CNTNAP5: variants seen among roughly 807,000 people sequenced by gnomAD.
The protein encoded by CNTNAP5 is contactin associated protein family member 5.
In CNTNAP5, 72 loss-of-function variants were observed where a neutral mutation model predicts 150.2. That is an observed-to-expected ratio of 0.48 (90% CI 0.40 to 0.58). The LOEUF (loss-of-function observed/expected upper bound fraction) is 0.58, where lower values mean the gene tolerates loss of function less well. Among genes scored for constraint, CNTNAP5 ranks in the 20% least tolerant of loss-of-function variants. The pLI, the probability that CNTNAP5 is intolerant of heterozygous loss-of-function variation, is 0.00. For synonymous variants in CNTNAP5, 672 were observed against 619.8 expected (o/e 1.08, Z -1.25); for missense variants, 1,636 against 1,626.2 (o/e 1.01, Z -0.10).
chr2:124,412,828 T>C (rs922441651), intron 3 of CNTNAP5, among the ~76,000 whole-genome samples: 1 of 97,846 alleles, frequency 1.0e-5, no homozygotes, highest in East Asian at 2.8e-4. Context: ...GGGCAAGGAC[T>C]TCATGTCCAA....
rs1553442119 is a variant in CNTNAP5, at chr2:124,786,398, A to AGAAAGAAAGAAG, written c.2753-3501_2753-3500insAGAAAGAAGGAA. 2.0e-3 allele frequency among the ~76,000 whole-genome samples: 91 copies of AGAAAGAAAGAAG among 45,148 alleles called. 1 individual carries two copies. Among genetic ancestry groups the AGAAAGAAAGAAG allele is most frequent in the Admixed American group, 2.8e-3 (11 of 3,934 alleles). 29.6% of individuals were successfully genotyped at this position (45,148 alleles called of 152,430 possible). The stretch of plus-strand genomic sequence containing the variant: ...AAGAAAGAAAGAAAGAAAGAAAGAA[A>AGAAAGAAAGAAG]GAAGGAAGGAAGGAAGGAAGGAAGG... On this transcript the variant is annotated intron_variant, in intron 17 of 23. Transcript: ENST00000682447.
chr2:124,880,424 A>T (rs553020870), intron 21 of CNTNAP5, among the ~76,000 whole-genome samples: 1 of 152,222 alleles, frequency 6.6e-6, no homozygotes, highest in South Asian at 2.1e-4. Context: ...CTTAAAATCA[A>T]CTGCTGCCTA....
intron 19 of CNTNAP5, among the ~76,000 whole-genome samples, chr2:124,843,031 A>G (rs1682975638): frequency 6.6e-6 from 1 of 151,972 alleles, no homozygotes. Context: ...GGTACCCAAT[A>G]TGTAACATTT....
At chr2:124,470,232 A>G (rs1693476964) in intron 6 of CNTNAP5, among the ~76,000 whole-genome samples, 1 of 152,118 alleles carries the variant, frequency 6.6e-6, no homozygotes. Context: ...CCATGTCAGT[A>G]TCTGTTGTTG....
intron 3 of CNTNAP5, among the ~76,000 whole-genome samples, chr2:124,292,089 A>G (rs1040870692): frequency 7.9e-5 from 12 of 152,188 alleles, no homozygotes; most frequent in Admixed American, 4.6e-4. Context: ...GGTGCACCCC[A>G]GTTTTAGGCA....
chr2:124,872,196 A>C (rs1677762797), intron 21 of CNTNAP5, among the ~76,000 whole-genome samples: 1 of 152,054 alleles, frequency 6.6e-6, no homozygotes, highest in Admixed American at 6.6e-5. Context: ...GCTATTAATA[A>C]AGATAATTTG....
intron 3 of CNTNAP5, among the ~76,000 whole-genome samples, chr2:124,245,708 T>C (rs1047405438): frequency 1.3e-5 from 2 of 150,320 alleles, no homozygotes; most frequent in Non-Finnish European, 3.0e-5. Flanking sequence ...CACACAAATA[T>C]ATATTTATAT....
At chr2:124,348,333 C>T (rs1689791729) in intron 3 of CNTNAP5, among the ~76,000 whole-genome samples, 1 of 152,060 alleles carries the variant, frequency 6.6e-6, no homozygotes, top group Admixed American at 6.6e-5. Flanking sequence ...TGCTTAATTG[C>T]TCTGGCTTAA....
intron 3 of CNTNAP5, among the ~76,000 whole-genome samples, chr2:124,325,305 A>T (rs1689189594): frequency 6.6e-6 from 1 of 152,204 alleles, no homozygotes; most frequent in South Asian, 2.1e-4. Context: ...TGTGAGAAAT[A>T]CATGTGTTTT....
chr2:124,499,256 C>A (rs1358231341), intron 7 of CNTNAP5, among the ~76,000 whole-genome samples: 2 of 152,128 alleles, frequency 1.3e-5, no homozygotes, highest in African/African-American at 4.8e-5. Flanking sequence ...AAATTGTAAA[C>A]CTATTGTGTA....
chr2:124,082,193 C>G (rs1185863716), intron 1 of CNTNAP5, among the ~76,000 whole-genome samples: 1 of 151,698 alleles, frequency 6.6e-6, no homozygotes, highest in African/African-American at 2.4e-5. Context: ...ACTAAAAATA[C>G]AAAAAATTAG....
chr2:124,239,686 TCAA>T (rs1558814921), intron 2 of CNTNAP5, among the ~76,000 whole-genome samples: 1 of 133,228 alleles, frequency 7.5e-6, no homozygotes, highest in African/African-American at 2.8e-5. Flanking sequence ...GGGGACCATT[TCAA>T]CAACATTTTT....
chr2:124,745,802 C>A (rs1410402081), intron 13 of CNTNAP5, among the ~76,000 whole-genome samples: 1 of 152,164 alleles, frequency 6.6e-6, no homozygotes, highest in African/African-American at 2.4e-5. Flanking sequence ...ATCAGCACCC[C>A]TAAAATGCTG....
intron 11 of CNTNAP5, among the ~76,000 whole-genome samples, chr2:124,597,486 CT>C (rs1696855466): frequency 6.7e-6 from 1 of 150,344 alleles, no homozygotes; most frequent in Non-Finnish European, 1.5e-5. Flanking sequence ...TCTCTTCTGG[CT>C]TGTAGGGTTT....
chr2:124,028,224 AG>A (rs1389805908), intron 1 of CNTNAP5, among the ~76,000 whole-genome samples: 1 of 152,090 alleles, frequency 6.6e-6, no homozygotes, highest in Non-Finnish European at 1.5e-5. Context: ...GACTTTGTTC[AG>A]GTATACATAA....
At chr2:124,823,718 C>T (rs1440259053) in intron 19 of CNTNAP5, among the ~76,000 whole-genome samples, 2 of 152,090 alleles carry the variant, frequency 1.3e-5, no homozygotes, top group Non-Finnish European at 2.9e-5. Flanking sequence ...CACTTCTGAA[C>T]CACAGGATGC....
chr2:124,920,566 C>G lies in CNTNAP5; in HGVS notation c.*6278C>G, dbSNP rs907103170. On this transcript the variant is annotated 3_prime_UTR_variant, in exon 24 of 24. Coordinates refer to ENST00000682447, the MANE Select transcript of CNTNAP5 (RefSeq NM_001367498.1). The stretch of plus-strand genomic sequence containing the variant: ...AGACTGCCTTTAGTGAGGACAAAGA[C>G]CAAGAATTTTCTCTTTCTGAATCTG... Among the ~76,000 whole-genome samples the G allele has an allele frequency of 3.3e-5, 5 of 152,212 alleles. No individual in the cohort carries two copies. In the East Asian group the frequency reaches 9.7e-4, roughly 29 times the overall value.
At chr2:124,095,277 A>G (rs1401213997) in intron 1 of CNTNAP5, among the ~76,000 whole-genome samples, 2 of 152,198 alleles carry the variant, frequency 1.3e-5, no homozygotes, top group Non-Finnish European at 2.9e-5. Context: ...TCTCAGTCAT[A>G]AGCGGGAGTT....
intron 7 of CNTNAP5, among the ~76,000 whole-genome samples, chr2:124,478,024 A>G (rs1693683144): frequency 6.6e-6 from 1 of 152,148 alleles, no homozygotes; most frequent in Admixed American, 6.6e-5. Flanking sequence ...TAAGATCCCT[A>G]TAGTAATATT....
Sources: gnomAD v4.1 joint callset for allele counts (sites outside exome capture counted in the v4.1 genomes callset) on GRCh38, gnomAD v4.1.1 for gene constraint, MANE v1.5 for transcripts, NCBI Gene and HGNC (gene_info 2026-07-23, HGNC 2026-07-21) for gene names.